The following GADL1 variants were observed in gnomAD, a reference collection of about 807,000 sequenced individuals.
The protein encoded by GADL1 is GAD like acidic amino acid decarboxylase 1.
GADL1 carries 71 observed loss-of-function variants against 69.5 expected under a neutral mutation model. The observed-to-expected ratio is 1.02, with a 90% CI of 0.84 to 1.25. The LOEUF (loss-of-function observed/expected upper bound fraction) is 1.25. GADL1 is among the 50% of genes most tolerant of loss of function. The pLI is 0.00. For synonymous variants in GADL1, 254 were observed against 214.4 expected, an observed-to-expected ratio of 1.18 and a Z score of -1.62; for missense variants, 737 against 631.8, an observed-to-expected ratio of 1.17 and a Z score of -1.79.
At chr3:30,752,041 C>T (rs1006654799) in intron 14 of GADL1, among the ~76,000 whole-genome samples, 4 of 152,182 alleles carry the variant, frequency 2.6e-5, no homozygotes, top group African/African-American at 9.7e-5. Context: ...CAGAATGCTT[C>T]TAAAGGCTAC....
At chr3:30,787,374 T>C (rs1696818058) in intron 12 of GADL1, among the ~76,000 whole-genome samples, 1 of 152,174 alleles carries the variant, frequency 6.6e-6, no homozygotes, top group Non-Finnish European at 1.5e-5. Flanking sequence ...CATGGTGCCC[T>C]ATATAATATT....
At chr3:30,801,258 ATTAC>A (rs1272544318) in intron 11 of GADL1, among the ~76,000 whole-genome samples, 170 bp from the exon 12 acceptor site, 3 of 152,342 alleles carry the variant, frequency 2.0e-5, no homozygotes, top group South Asian at 2.1e-4. Flanking sequence ...TCAGATACAC[ATTAC>A]CCATGGTGTT....
At chr3:30,837,179 G>T (rs998341746) in intron 9 of GADL1, among the ~76,000 whole-genome samples, 2 of 151,938 alleles carry the variant, frequency 1.3e-5, no homozygotes, top group African/African-American at 4.8e-5. Flanking sequence ...ATATTTGAAA[G>T]AAGCTTTAAA....
At chr3:30,792,589 A>C (rs879370803) in intron 12 of GADL1, among the ~76,000 whole-genome samples, 1 of 152,202 alleles carries the variant, frequency 6.6e-6, no homozygotes, top group East Asian at 1.9e-4. Context: ...AGAAAACTAT[A>C]CTTGCCTTAA....
chr3:30,771,849 A>T (rs529982865), intron 14 of GADL1, among the ~76,000 whole-genome samples: 1 of 152,326 alleles, frequency 6.6e-6, no homozygotes, highest in Non-Finnish European at 1.5e-5. Context: ...ACAAGTCCCT[A>T]AGAGATCAGG....
At chr3:30,753,636 C>CTTTT (rs10663636) in intron 14 of GADL1, among the ~76,000 whole-genome samples, 1 of 151,796 alleles carries the variant, frequency 6.6e-6, no homozygotes, top group African/African-American at 2.4e-5. Context: ...TAAGATCACT[C>CTTTT]TTGTTTACTT....
intron 11 of GADL1, among the ~76,000 whole-genome samples, chr3:30,812,769 A>G (rs965094993): frequency 6.6e-6 from 1 of 152,074 alleles, no homozygotes; most frequent in Non-Finnish European, 1.5e-5. Context: ...CTCTTCTCAT[A>G]TTATTGCTAA....
chr3:30,870,142 T>C (rs1215117000), intron 1 of GADL1, among the ~76,000 whole-genome samples: 1 of 151,864 alleles, frequency 6.6e-6, no homozygotes, highest in Admixed American at 6.6e-5. Context: ...TTGGGGTGGA[T>C]AATATATGCA....
At chr3:30,811,142 C>A (rs919410704) in intron 11 of GADL1, among the ~76,000 whole-genome samples, 3 of 152,200 alleles carry the variant, frequency 2.0e-5, no homozygotes, top group Admixed American at 6.5e-5. Flanking sequence ...TGCTAGCATA[C>A]TTTAGTACAA....
intron 3 of GADL1, among the ~76,000 whole-genome samples, chr3:30,855,107 G>A (rs1182429489): frequency 2.0e-5 from 3 of 151,954 alleles, no homozygotes; most frequent in African/African-American, 7.2e-5. Flanking sequence ...TCATCATGCC[G>A]AGCAATTAAG....
intron 14 of GADL1, among the ~76,000 whole-genome samples, chr3:30,741,112 GTA>G (rs67611024): frequency 0.38 from 42,641 of 113,336 alleles, 7,974 homozygotes; most frequent in Middle Eastern, 0.43. Context: ...TGTATTCCTA[GTA>G]TATATATATA....
intron 1 of GADL1, among the ~76,000 whole-genome samples, chr3:30,894,135 A>G (rs1414055497): frequency 6.6e-6 from 1 of 152,100 alleles, no homozygotes; most frequent in African/African-American, 2.4e-5. Context: ...GGCATCACCT[A>G]CTCTGAGATG....
At chr3:30,798,899 T>G (rs1345804256) in intron 12 of GADL1, 2 of 149,888 alleles carry the variant, frequency 1.3e-5, no homozygotes, top group Admixed American at 1.5e-4. Flanking sequence ...AGCAGGGCAG[T>G]CAAATTCTAA....
intron 14 of GADL1, among the ~76,000 whole-genome samples, chr3:30,754,439 G>C (rs1347340976): frequency 6.6e-6 from 1 of 152,022 alleles, no homozygotes; most frequent in Non-Finnish European, 1.5e-5. Flanking sequence ...ATCCTAAAGG[G>C]ATATAGAAAA....
intron 13 of GADL1, among the ~76,000 whole-genome samples, chr3:30,784,010 AAC>A (rs1696733409): frequency 6.6e-6 from 1 of 152,242 alleles, no homozygotes; most frequent in Non-Finnish European, 1.5e-5. Context: ...CAGAGAAAAT[AAC>A]ACAACTCAAA....
At position 30,844,243 on chromosome 3, in the gene GADL1, T is replaced by C. The variant is rs144521116; in HGVS notation, c.753A>G (p.Glu251=). 5 of 1,612,550 alleles carry C rather than the reference T, an allele frequency of 3.1e-6. No homozygotes were observed. The highest frequency in any genetic ancestry group is 4.2e-6 in the Non-Finnish European group (5 of 1,179,372). ...TDGRGKMIPE[E]LEKQVWQARK... ...TGGCTTGCCAGACTTGCTTCTCCAG[T>C]TCCTCAGGTATCATTTTACCTCTAA... The change falls in exon 8 of 15, where the codon GAA becomes GAG. Residue 251 remains glutamate, a synonymous_variant. Coordinates refer to ENST00000282538, the MANE Select transcript of GADL1 (RefSeq NM_207359.3).
intron 6 of GADL1, 85 bp from the exon 7 acceptor site, chr3:30,844,551 A>AG (rs1447039251): frequency 2.3e-6 from 2 of 875,808 alleles, no homozygotes; most frequent in Non-Finnish European, 3.9e-6. Flanking sequence ...GGTAGATGAA[A>AG]GTATGGCTGA....
Position 30,728,292 on chromosome 3 carries a change from C to A in GADL1, c.1516G>T (p.Asp506Tyr). 1 of 1,613,900 alleles carries A rather than the reference C, an allele frequency of 6.2e-7. No homozygotes were observed. The highest frequency in any genetic ancestry group is 8.5e-7 in the Non-Finnish European group (1 of 1,179,832). Residue 506 changes from aspartate (D) to tyrosine (Y), a missense_variant, in exon 15 of 15, where the codon GAC becomes TAC. Physicochemically the swap from Asp to Tyr is radical, Grantham distance 160. Transcript: ENST00000282538. ...VVISPQVSRE[D>Y]MDFLLDEIDL... ...ATCTCATCCAGGAGGAAGTCCATGT[C>A]CTCCCGGCTCACTTGAGGGCTGATC...
intron 4 of GADL1, among the ~76,000 whole-genome samples, chr3:30,851,803 C>T (rs1423278687): frequency 6.6e-6 from 1 of 152,104 alleles, no homozygotes; most frequent in African/African-American, 2.4e-5. Context: ...TTCTTGCATC[C>T]TCCTCCTCCT....
Sources: gnomAD v4.1 joint callset for allele counts (sites outside exome capture counted in the v4.1 genomes callset) on GRCh38, gnomAD v4.1.1 for gene constraint, MANE v1.5 for transcripts, NCBI Gene and HGNC (gene_info 2026-07-23, HGNC 2026-07-21) for gene names.